The following GSK3B variants were observed in gnomAD, a reference collection of about 807,000 sequenced individuals.
GSK3B encodes the protein glycogen synthase kinase 3 beta, also known as glycogen synthase kinase-3 beta.
In GSK3B, 15 loss-of-function variants were observed where a neutral mutation model predicts 56.4. The ratio of observed to expected loss-of-function variants is 0.27; its 90% CI spans 0.18 to 0.41. The LOEUF (loss-of-function observed/expected upper bound fraction) is 0.41. Ranked by LOEUF, GSK3B falls within the 10% of genes least tolerant of loss-of-function variation. The pLI, the probability that GSK3B is intolerant of heterozygous loss-of-function variation, is 1.00. For synonymous variants in GSK3B, 181 were observed against 188.9 expected, an observed-to-expected ratio of 0.96 and a Z score of 0.34; for missense variants, 300 against 513.4, an observed-to-expected ratio of 0.58 and a Z score of 4.02.
intron 2 of GSK3B, among the ~76,000 whole-genome samples, chr3:119,992,856 T>C (rs1006151450): frequency 2.6e-5 from 4 of 151,960 alleles, no homozygotes; most frequent in African/African-American, 7.2e-5. Context: ...AATAGGAAGA[T>C]TGTAAATTAA....
At chr3:119,912,326 A>G (rs1381549754) in intron 6 of GSK3B, among the ~76,000 whole-genome samples, 6 of 152,096 alleles carry the variant, frequency 3.9e-5, no homozygotes, top group Non-Finnish European at 7.4e-5. Flanking sequence ...AACATCAAAG[A>G]CCACTGATCA....
chr3:120,009,447 T>C (rs2057760062), intron 1 of GSK3B, among the ~76,000 whole-genome samples: 1 of 152,114 alleles, frequency 6.6e-6, no homozygotes, highest in African/African-American at 2.4e-5. Context: ...TGTCCATCAG[T>C]GATAGACTGG....
intron 2 of GSK3B, among the ~76,000 whole-genome samples, chr3:119,980,509 C>T (rs1444828781): frequency 2.0e-5 from 3 of 152,076 alleles, no homozygotes; most frequent in Admixed American, 6.5e-5. Flanking sequence ...TGTGCCACCA[C>T]GCCCGGGGAA....
At chr3:119,980,291 G>A (rs925147938) in intron 2 of GSK3B, among the ~76,000 whole-genome samples, 1 of 151,944 alleles carries the variant, frequency 6.6e-6, no homozygotes, top group Non-Finnish European at 1.5e-5. Context: ...ATACTGTAAG[G>A]TGTCAACATT....
chr3:120,015,934 A>T (rs1170430490), intron 1 of GSK3B, among the ~76,000 whole-genome samples: 2 of 152,208 alleles, frequency 1.3e-5, no homozygotes, highest in Admixed American at 6.5e-5. Context: ...TGGAGGGCTT[A>T]CTGAAAACAT....
intron 9 of GSK3B, among the ~76,000 whole-genome samples, chr3:119,848,317 A>G (rs2055883486): frequency 6.6e-6 from 1 of 152,226 alleles, no homozygotes. Context: ...TGAAGGAACA[A>G]TCATAACCAT....
intron 7 of GSK3B, among the ~76,000 whole-genome samples, chr3:119,893,392 T>C (rs1396755359): frequency 6.6e-6 from 1 of 152,146 alleles, no homozygotes; most frequent in Admixed American, 6.6e-5. Flanking sequence ...CCCTATACTA[T>C]ATGATTACAA....
At chr3:119,929,252 A>G (rs1225617650) in intron 3 of GSK3B, among the ~76,000 whole-genome samples, 2 of 152,240 alleles carry the variant, frequency 1.3e-5, no homozygotes, top group African/African-American at 4.8e-5. Context: ...GGATTGCTGT[A>G]TTAAATAGAA....
chr3:119,966,659 A>G (rs2057321223), intron 2 of GSK3B, among the ~76,000 whole-genome samples: 1 of 152,218 alleles, frequency 6.6e-6, no homozygotes, highest in African/African-American at 2.4e-5. Context: ...TTACAGAAAA[A>G]TAGAAATTAA....
intron 2 of GSK3B, among the ~76,000 whole-genome samples, chr3:119,967,834 T>TTCTCTCTC (rs202156812): frequency 7.6e-4 from 90 of 119,002 alleles, no homozygotes; most frequent in South Asian, 2.0e-3. Flanking sequence ...CTCTTTCTCT[T>TTCTCTCTC]TCTCTCTCTC....
At chr3:119,847,204 G>C (rs1035825958) in intron 9 of GSK3B, among the ~76,000 whole-genome samples, 5 of 151,964 alleles carry the variant, frequency 3.3e-5, no homozygotes, top group African/African-American at 1.2e-4. Flanking sequence ...GGATTGATGG[G>C]TGCAGCAAAC....
chr3:120,092,363 C>T (rs964966153), intron 1 of GSK3B, among the ~76,000 whole-genome samples: 10 of 152,212 alleles, frequency 6.6e-5, no homozygotes, highest in African/African-American at 2.2e-4. Flanking sequence ...ACTAAATCCA[C>T]ATTCTTCTAA....
chr3:120,002,180 T>C lies in GSK3B; in HGVS notation c.148A>G (p.Arg50Gly). The change falls in exon 2 of 11, where the codon AGG becomes GGG. Residue 50 changes from arginine (R) to glycine (G), a missense_variant. By Grantham distance (125) the Arg-to-Gly change is moderately radical. Around this residue, in one of 6 missense-constraint regions of GSK3B, gnomAD observed 53 missense variants for 64.6 expected, o/e 0.82. Transcript: ENST00000264235. ...TCTGTATAGCTGACTTCTTGTGGCCTGTCTGGACCCTGCCCAGGAGTTGCC... is the reference window on the plus strand; with the variant it reads ...TCTGTATAGCTGACTTCTTGTGGCCCGTCTGGACCCTGCCCAGGAGTTGCC... Reference protein sequence around the residue: ...VVATPGQGPDRPQEVSYTDTK... With the variant: ...VVATPGQGPDGPQEVSYTDTK... 2 of 1,607,476 alleles carry C rather than the reference T, an allele frequency of 1.2e-6. No homozygotes were observed. Among genetic ancestry groups the C allele is most frequent in the Non-Finnish European group, 1.7e-6 (2 of 1,177,266 alleles).
At chr3:119,956,811 G>A (rs2057218857) in intron 2 of GSK3B, among the ~76,000 whole-genome samples, 1 of 152,172 alleles carries the variant, frequency 6.6e-6, no homozygotes, top group Non-Finnish European at 1.5e-5. Context: ...AGTGAGAAAA[G>A]CTCTAAGAGA....
chr3:119,933,130 T>C (rs955766610), intron 3 of GSK3B, among the ~76,000 whole-genome samples: 1 of 152,140 alleles, frequency 6.6e-6, no homozygotes, highest in Non-Finnish European at 1.5e-5. Context: ...CATTAACAGA[T>C]GGTCATAAAA....
At chr3:119,853,644 G>T (rs549464551) in intron 9 of GSK3B, among the ~76,000 whole-genome samples, 1 of 152,208 alleles carries the variant, frequency 6.6e-6, no homozygotes, top group Non-Finnish European at 1.5e-5. Flanking sequence ...CACGTCCCTT[G>T]TAAGTTGGAT....
intron 1 of GSK3B, among the ~76,000 whole-genome samples, chr3:120,070,782 A>G (rs1430658256): frequency 6.6e-6 from 1 of 152,192 alleles, no homozygotes; most frequent in Non-Finnish European, 1.5e-5. Flanking sequence ...GCTGTTCCTA[A>G]GGAGTAAAGT....
chr3:120,059,975 CA>C (rs1559895545), intron 1 of GSK3B, among the ~76,000 whole-genome samples: 1 of 152,068 alleles, frequency 6.6e-6, no homozygotes, highest in South Asian at 2.1e-4. Flanking sequence ...TTCATTTATT[CA>C]AAAAAAATTT....
chr3:120,024,048 T>C (rs1365464914), intron 1 of GSK3B, among the ~76,000 whole-genome samples: 1 of 152,208 alleles, frequency 6.6e-6, no homozygotes, highest in Non-Finnish European at 1.5e-5. Flanking sequence ...CTTAACAGTC[T>C]TAGGTTTTAA....
Sources: gnomAD v4.1 joint callset for allele counts (sites outside exome capture counted in the v4.1 genomes callset) on GRCh38, gnomAD v4.1.1 for gene constraint, gnomAD v4.1.1 regional missense constraint, MANE v1.5 for transcripts, NCBI Gene and HGNC (gene_info 2026-07-23, HGNC 2026-07-21) for gene names.